The following TP53I13 variants were observed in gnomAD, a reference collection of about 807,000 sequenced individuals.
TP53I13 encodes the protein tumor protein p53 inducible protein 13, also known as tumor protein p53-inducible protein 13.
In TP53I13, 27 loss-of-function variants were observed where a neutral mutation model predicts 39.1. The observed-to-expected ratio is 0.69, with a 90% CI of 0.51 to 0.95. The LOEUF is 0.95. Among genes scored for constraint, TP53I13 ranks in the 40% least tolerant of loss-of-function variants. The probability of loss-of-function intolerance (pLI) is 0.00; values close to 1 mark genes in which losing one functional copy is unlikely to be tolerated. For synonymous variants in TP53I13, 230 were observed against 224.6 expected (o/e 1.02, Z -0.22); for missense variants, 544 against 520.4 (o/e 1.05, Z -0.44).
downstream of TP53I13, chr17:29,577,501 TTCCCAAA>T (rs2033253873): frequency 5.6e-6 from 4 of 709,332 alleles, no homozygotes; most frequent in Non-Finnish European, 1.0e-5. Flanking sequence ...CCTCCTGACC[TTCCCAAA>T]TCCCAGTGCC....
chr17:29,571,622 G>A lies in TP53I13; in HGVS notation c.215G>A (p.Cys72Tyr). 1 of 1,614,102 alleles carries A rather than the reference G, an allele frequency of 6.2e-7. No homozygotes were observed. The highest frequency in any genetic ancestry group is 8.5e-7 in the Non-Finnish European group (1 of 1,180,022). ...AEDVTFLYHPCAHPWLKLQLA... is the reference protein window; with the variant it reads ...AEDVTFLYHPYAHPWLKLQLA... Reference sequence around the variant, plus strand: ...GATGTCACCTTCCTCTACCACCCCTGTGCCCATCCCTGGCTGAAGCTCCAG... The same window carrying A: ...GATGTCACCTTCCTCTACCACCCCTATGCCCATCCCTGGCTGAAGCTCCAG... The change falls in exon 4 of 7, where the codon TGT (cysteine) becomes TAT (tyrosine). Residue 72 changes from cysteine to tyrosine, a missense_variant. Transcript: ENST00000301057.
chr17:29,574,664 G>T, downstream of TP53I13: 1 of 1,488,882 alleles, frequency 6.7e-7, no homozygotes, highest in Non-Finnish European at 9.4e-7. Flanking sequence ...TATGGCCAGT[G>T]AGGTCCTAGG....
intron 3 of TP53I13, chr17:29,570,446 T>C (rs2032882046): frequency 6.6e-6 from 1 of 150,808 alleles, no homozygotes; most frequent in Non-Finnish European, 1.5e-5. Context: ...AGGCAGAGGT[T>C]GCAGTGAGCC....
chr17:29,576,958 C>T (rs746705525), downstream of TP53I13: 1 of 1,600,700 alleles, frequency 6.2e-7, no homozygotes, highest in East Asian at 2.2e-5. Flanking sequence ...TGTTGGTCGT[C>T]GAGGTCACTC....
chr17:29,572,784 C>CCTTGACTG, intron 6 of TP53I13, 28 bp from the exon 7 acceptor site: 1 of 1,532,020 alleles, frequency 6.5e-7, no homozygotes, highest in African/African-American at 1.4e-5. Context: ...GCCCTCCCGC[C>CCTTGACTG]CTTGACTGCT....
upstream of TP53I13, chr17:29,566,641 A>C: frequency 6.2e-7 from 1 of 1,606,188 alleles, no homozygotes; most frequent in Non-Finnish European, 8.5e-7. Flanking sequence ...GAAGTGGCAG[A>C]GGGTCTGCAG....
downstream of TP53I13, chr17:29,577,509 T>A: frequency 1.4e-6 from 1 of 725,982 alleles, no homozygotes. Context: ...CCTTCCCAAA[T>A]CCCAGTGCCA....
the TP53I13 span, chr17:29,581,788 A>G: frequency 1.2e-6 from 2 of 1,612,500 alleles, no homozygotes; most frequent in Non-Finnish European, 1.7e-6. The surrounding 1 kb of genome is among the most constrained non-coding windows in gnomAD (Gnocchi z 4.8). Flanking sequence ...CAGTGAGCTC[A>G]TATTGGCACT....
Position 29,572,834 on chromosome 17 carries a change from G to GCA in TP53I13, c.1093_1094dup (p.Gln365HisfsTer102). On this transcript the variant is annotated frameshift_variant, in exon 7 of 7. Coordinates refer to ENST00000301057, the MANE Select transcript of TP53I13 (RefSeq NM_138349.4). LOFTEE classifies it high-confidence loss of function. The stretch of plus-strand genomic sequence containing the variant: ...CAGCTGTGCTGAAGCGGAGGCTGCT[G>GCA]CAGCCCTCGCGCCGGGTCAAGCGCT... 2.0e-6 allele frequency: 3 copies of GCA among 1,528,182 alleles called. No homozygotes were observed. The highest frequency in any genetic ancestry group is 2.6e-6 in the Non-Finnish European group (3 of 1,143,242). The allele number at this position is 1,528,182 out of a possible 1,614,324, so 94.7% of individuals were successfully genotyped here. A position where few individuals can be genotyped will look rare whatever the true frequency, so the allele number is the denominator to read the frequency against.
chr17:29,578,881 T>C, the TP53I13 span: 2 of 1,561,380 alleles, frequency 1.3e-6, no homozygotes, highest in East Asian at 2.2e-5. Flanking sequence ...CCCGGGGAGA[T>C]GGCACCCCAG....
chr17:29,576,154 C>A, downstream of TP53I13: 1 of 1,612,974 alleles, frequency 6.2e-7, no homozygotes, highest in Non-Finnish European at 8.5e-7. Flanking sequence ...GCACAGCGAG[C>A]GTCATGGTGG....
chr17:29,577,264 G>A, downstream of TP53I13: 1 of 1,606,604 alleles, frequency 6.2e-7, no homozygotes, highest in South Asian at 1.1e-5. Flanking sequence ...GGCAGAAAGG[G>A]CCAGGCTGGC....
chr17:29,579,427 T>C, the TP53I13 span: 1 of 201,250 alleles, frequency 5.0e-6, no homozygotes, highest in Non-Finnish European at 1.0e-5. Flanking sequence ...CAGGTGCATA[T>C]GGCACACTCC....
At chr17:29,576,978 A>G, downstream of TP53I13, 1 of 1,603,038 alleles carries the variant, frequency 6.2e-7, no homozygotes. Context: ...CTGGCTCCGC[A>G]GAGACAGCTC....
downstream of TP53I13, chr17:29,575,791 C>T (rs2033171885): frequency 6.2e-7 from 1 of 1,611,434 alleles, no homozygotes; most frequent in African/African-American, 1.3e-5. This position sits in a 1 kb window ranked among gnomAD's most constrained non-coding sequence, Gnocchi z 5.5. Context: ...ACCCTGTGGG[C>T]ACTGGGCATG....
chr17:29,577,754 G>A (rs758354579), downstream of TP53I13: 8 of 1,559,080 alleles, frequency 5.1e-6, 1 homozygote, highest in South Asian at 4.4e-5. Context: ...TGTAGGGGAC[G>A]GACAGGAGCA....
At chr17:29,582,231 C>T in the TP53I13 span, 2 of 993,936 alleles carry the variant, frequency 2.0e-6, no homozygotes, top group African/African-American at 1.6e-5. Flanking sequence ...GCCCCTGGGA[C>T]ACCTAGCAGC....
chr17:29,566,788 C>A, upstream of TP53I13: 1 of 1,513,450 alleles, frequency 6.6e-7, no homozygotes. Context: ...GCGCCCGTCG[C>A]TGAACTGGTC....
At chr17:29,569,199 A>C in intron 2 of TP53I13, 113 bp downstream of exon 2, 1 of 1,473,620 alleles carries the variant, frequency 6.8e-7, no homozygotes, top group South Asian at 1.2e-5. Context: ...CCGGTTCCTC[A>C]GTCCTCAGTA....
Sources: allele counts gnomAD v4.1 joint callset, GRCh38; gene constraint gnomAD v4.1.1; non-coding constraint Gnocchi (gnomAD v3.1); transcripts MANE v1.5; gene names NCBI Gene and HGNC (gene_info 2026-07-23, HGNC 2026-07-21).